Variants in LRRTM4 observed in about 807,000 individuals in gnomAD.
The protein encoded by LRRTM4 is leucine-rich repeat transmembrane neuronal protein 4.
Under a neutral mutation model 47.6 loss-of-function variants are expected in LRRTM4, and 25 were observed. The ratio of observed to expected loss-of-function variants is 0.53; its 90% CI spans 0.38 to 0.73. The LOEUF (loss-of-function observed/expected upper bound fraction) is 0.73. Among genes scored for constraint, LRRTM4 ranks in the 30% least tolerant of loss-of-function variants. The probability of loss-of-function intolerance (pLI) is 0.00; values close to 1 mark genes in which losing one functional copy is unlikely to be tolerated. For synonymous variants in LRRTM4, 311 were observed against 269.5 expected, an observed-to-expected ratio of 1.15 and a Z score of -1.51; for missense variants, 638 against 713.4, an observed-to-expected ratio of 0.89 and a Z score of 1.20.
chr2:77,165,739 G>T (rs141499583), intron 3 of LRRTM4, among the ~76,000 whole-genome samples: 1 of 152,122 alleles, frequency 6.6e-6, no homozygotes, highest in East Asian at 1.9e-4. Flanking sequence ...TGCAGAAAAG[G>T]CCTTCAACAA....
chr2:77,179,162 TGCCCC>T (rs1673280874), intron 3 of LRRTM4, among the ~76,000 whole-genome samples: 4 of 152,130 alleles, frequency 2.6e-5, no homozygotes, highest in Non-Finnish European at 5.9e-5. Flanking sequence ...AATCTATGGA[TGCCCC>T]AGTCAATAAG....
Position 77,391,513 on chromosome 2 carries a change from T to A in LRRTM4, c.1551+126805A>T, listed in dbSNP as rs536980079. Among the ~76,000 whole-genome samples the A allele has an allele frequency of 4.6e-5, 7 of 152,124 alleles. No individual in the cohort carries two copies. The East Asian group carries it at 1.4e-3, about 29-fold the overall frequency. On this transcript the variant is annotated intron_variant, in intron 3 of 3. Transcript: ENST00000409884. ...CATCTGTCTTCAAGGCTTATTAAAA[T>A]GAGATATTGTTACTTATAAACCTTT... is the stretch of plus-strand genomic sequence containing the variant.
At chr2:76,801,962 G>T (rs1016796339) in intron 3 of LRRTM4, among the ~76,000 whole-genome samples, 1 of 152,040 alleles carries the variant, frequency 6.6e-6, no homozygotes, top group Admixed American at 6.6e-5. Flanking sequence ...GATATAGAAG[G>T]AATGTACCTA....
In LRRTM4 at chr2:77,178,521, G is replaced by A. The variant is rs940313146; in HGVS notation, c.1551+339797C>T. ...GAATCGCTTGAACGCAGGAGGTGGA[G>A]GTTGCAGTGAGTCAAGATCGCGCCA... On this transcript the variant is annotated intron_variant, in intron 3 of 3. Transcript: ENST00000409884. Among the ~76,000 whole-genome samples, 4 of 152,102 alleles carry A rather than the reference G, an allele frequency of 2.6e-5. No homozygotes were observed. The South Asian group carries it at 6.2e-4, about 24-fold the overall frequency.
intron 3 of LRRTM4, among the ~76,000 whole-genome samples, chr2:76,813,907 TTATTAAG>T (rs1670821257): frequency 1.3e-5 from 2 of 152,028 alleles, no homozygotes. Context: ...AATTTGGCAA[TTATTAAG>T]TAAAGTTCAT....
intron 3 of LRRTM4, among the ~76,000 whole-genome samples, chr2:76,901,589 T>C (rs1178196316): frequency 6.6e-6 from 1 of 152,060 alleles, no homozygotes; most frequent in Admixed American, 6.6e-5. Context: ...CTCTAAGCAC[T>C]GTAAAAAAAA....
intron 3 of LRRTM4, among the ~76,000 whole-genome samples, chr2:77,383,318 T>A (rs1249290330): frequency 6.6e-6 from 1 of 152,088 alleles, no homozygotes; most frequent in East Asian, 1.9e-4. Context: ...TGCTTCTTCT[T>A]ACAGACACTC....
chr2:77,052,673 C>A (rs958751697), intron 3 of LRRTM4, among the ~76,000 whole-genome samples: 1 of 151,668 alleles, frequency 6.6e-6, no homozygotes, highest in African/African-American at 2.4e-5. Context: ...ATTTTATAAG[C>A]ATTGCTTTTC....
At chr2:77,243,528 G>C (rs897333213) in intron 3 of LRRTM4, among the ~76,000 whole-genome samples, 1 of 151,858 alleles carries the variant, frequency 6.6e-6, no homozygotes, top group African/African-American at 2.4e-5. Context: ...GTGGTTTCCG[G>C]CATCTGGGGG....
intron 3 of LRRTM4, among the ~76,000 whole-genome samples, chr2:77,118,872 C>A (rs1367610757): frequency 6.6e-6 from 1 of 151,762 alleles, no homozygotes. Flanking sequence ...AGACCATATA[C>A]ATTTTTGTTC....
intron 3 of LRRTM4, among the ~76,000 whole-genome samples, chr2:76,764,898 C>G (rs1002394239): frequency 2.0e-5 from 3 of 152,182 alleles, no homozygotes; most frequent in Admixed American, 2.0e-4. Context: ...CTGATTGCTC[C>G]TTGGTTTCAA....
chr2:77,279,516 C>A (rs1312887889), intron 3 of LRRTM4, among the ~76,000 whole-genome samples: 1 of 151,748 alleles, frequency 6.6e-6, no homozygotes, highest in Admixed American at 6.6e-5. Context: ...TGTTGTTTAG[C>A]CATTATAAAA....
At chr2:76,786,254 A>T (rs556937604) in intron 3 of LRRTM4, among the ~76,000 whole-genome samples, 2 of 152,234 alleles carry the variant, frequency 1.3e-5, no homozygotes, top group Non-Finnish European at 2.9e-5. Flanking sequence ...ACTTACAGCA[A>T]TATTTTCCAA....
intron 3 of LRRTM4, among the ~76,000 whole-genome samples, chr2:77,219,479 C>T (rs968278704): frequency 6.6e-6 from 1 of 152,104 alleles, no homozygotes; most frequent in Admixed American, 6.5e-5. Flanking sequence ...AACAGAAACA[C>T]GATTTAACAG....
chr2:76,858,581 C>T (rs997195667), intron 3 of LRRTM4, among the ~76,000 whole-genome samples: 1 of 152,118 alleles, frequency 6.6e-6, no homozygotes. Flanking sequence ...CTGTACTATT[C>T]TGCAGTAGGT....
intron 3 of LRRTM4, among the ~76,000 whole-genome samples, chr2:77,317,482 G>A (rs1677651224): frequency 1.3e-5 from 2 of 151,848 alleles, no homozygotes; most frequent in South Asian, 2.1e-4. Flanking sequence ...ACCTTTATAC[G>A]TTTGTCATAA....
chr2:77,035,803 T>G (rs960408363), intron 3 of LRRTM4, among the ~76,000 whole-genome samples: 1 of 151,808 alleles, frequency 6.6e-6, no homozygotes, highest in Non-Finnish European at 1.5e-5. Flanking sequence ...GAGTTGATTT[T>G]CATTTTTTAA....
chr2:77,130,822 C>CTTTTT lies in LRRTM4; in HGVS notation c.1552-381907_1552-381906insAAAAA, dbSNP rs1221439109. Among the ~76,000 whole-genome samples the CTTTTT allele has an allele frequency of 4.6e-4, 24 of 52,060 alleles. 1 individual carries two copies. Among genetic ancestry groups the CTTTTT allele is most frequent in the Admixed American group, 9.8e-4 (4 of 4,086 alleles). 34.2% of individuals were successfully genotyped at this position (52,060 alleles called of 152,430 possible). On this transcript the variant is annotated intron_variant, in intron 3 of 3. Transcript: ENST00000409884. ...CACCGTGCCCGGCCAATTATTTGTTCTATTTTTTTTTTTTTTTTTTTTTTT... is the reference window on the plus strand; with the variant it reads ...CACCGTGCCCGGCCAATTATTTGTTCTTTTTTATTTTTTTTTTTTTTTTTTTTTTT...
chr2:77,233,921 C>A (rs1156377652), intron 3 of LRRTM4, among the ~76,000 whole-genome samples: 1 of 152,120 alleles, frequency 6.6e-6, no homozygotes, highest in Middle Eastern at 3.2e-3. Context: ...CCTCAGCCTC[C>A]CGAGTAGCTG....
Sources: allele counts gnomAD v4.1 joint callset (sites outside exome capture counted in the v4.1 genomes callset), GRCh38; gene constraint gnomAD v4.1.1; transcripts MANE v1.5; gene names NCBI Gene and HGNC (gene_info 2026-07-23, HGNC 2026-07-21).